DNAJC5G: variants seen among roughly 807,000 people sequenced by gnomAD.
DNAJC5G encodes dnaJ homolog subfamily C member 5G.
DNAJC5G carries 13 observed loss-of-function variants against 19.1 expected under a neutral mutation model. The observed-to-expected ratio is 0.68, with a 90% CI of 0.44 to 1.08. The LOEUF (loss-of-function observed/expected upper bound fraction) is 1.08. Ranked by LOEUF, DNAJC5G falls within the 50% of genes least tolerant of loss-of-function variation. The pLI is 0.00. For missense variants in DNAJC5G, 245 were observed against 230.4 expected (o/e 1.06, Z -0.41); for synonymous variants, 81 against 84.4 (o/e 0.96, Z 0.22).
intron 5 of DNAJC5G, among the ~76,000 whole-genome samples, 190 bp from the exon 6 acceptor site, chr2:27,279,976 G>T (rs1020057147): frequency 1.3e-5 from 2 of 151,808 alleles, no homozygotes; most frequent in African/African-American, 4.8e-5. Flanking sequence ...GGAAGAGGAA[G>T]AGGAAGAAAA....
chr2:27,278,343 C>T lies in DNAJC5G; in HGVS notation c.520+11C>T, dbSNP rs377228655. ...AGCCTCCAAGGTCAGGTGAGAACTG[C>T]AAGCAGGGACTGTGAGGTAAGAAAT... On this transcript the variant is annotated intron_variant, in intron 5 of 6. Transcript: ENST00000296097. 32 of 1,613,682 alleles carry T rather than the reference C, an allele frequency of 2.0e-5. No homozygotes were observed. The highest frequency in any genetic ancestry group is 2.5e-5 in the Non-Finnish European group (30 of 1,179,904).
chr2:27,278,873 C>T (rs1323027498), intron 5 of DNAJC5G, among the ~76,000 whole-genome samples: 4 of 150,918 alleles, frequency 2.7e-5, no homozygotes, highest in South Asian at 2.1e-4. Context: ...GGTGTGGTGG[C>T]GGGCGCCTGT....
In DNAJC5G at chr2:27,275,451, G is replaced by C; in HGVS notation, c.-388G>C. 2.8e-6 allele frequency: 1 copy of C among 351,132 alleles called. No individual in the cohort carries two copies. The highest frequency in any genetic ancestry group is 5.6e-6 in the Non-Finnish European group (1 of 177,752). The allele number at this position is 351,132 out of a possible 1,614,324, so 21.8% of individuals were successfully genotyped here. A position where few individuals can be genotyped will look rare whatever the true frequency, so the allele number is the denominator to read the frequency against. On this transcript the variant is annotated 5_prime_UTR_variant, in exon 1 of 7. Transcript: ENST00000296097. Reference sequence around the variant, plus strand: ...ACGACCTGCCCAGACCCTCAGCGTCGACGCTGCGCACAAGCGCAGTCAACT... The same window carrying C: ...ACGACCTGCCCAGACCCTCAGCGTCCACGCTGCGCACAAGCGCAGTCAACT...
rs61754191 is a variant in DNAJC5G at position 27,276,807 on chromosome 2, G to A, written c.79G>A (p.Gly27Ser). The change falls in exon 3 of 7, where the codon GGC (glycine) becomes AGC (serine). Residue 27 changes from glycine (G) to serine (S), a missense_variant. Coordinates refer to ENST00000296097, the MANE Select transcript of DNAJC5G (RefSeq NM_173650.3). Reference protein sequence around the residue: ...SLYAVLDLKKGASPEDFKKSY... With the variant: ...SLYAVLDLKKSASPEDFKKSY... ...CTATGCAGTGCTGGATCTTAAGAAG[G>A]GCGCCTCACCTGAAGACTTCAAAAA... is the stretch of plus-strand genomic sequence containing the variant. 7.9e-3 allele frequency: 12,815 copies of A among 1,613,942 alleles called. 75 individuals are homozygous for A. Among genetic ancestry groups the A allele is most frequent in the Non-Finnish European group, 1.0e-2 (11,767 of 1,179,970 alleles).
Sources: allele counts gnomAD v4.1 joint callset (sites outside exome capture counted in the v4.1 genomes callset), GRCh38; gene constraint gnomAD v4.1.1; transcripts MANE v1.5; gene names NCBI Gene and HGNC (gene_info 2026-07-23, HGNC 2026-07-21).